ATL3: variants seen among roughly 807,000 people sequenced by gnomAD.
ATL3 encodes atlastin GTPase 3, also known as atlastin-3.
A neutral mutation model predicts 69.5 loss-of-function variants in ATL3; 49 were observed. That is an observed-to-expected ratio of 0.71 (90% CI 0.56 to 0.89). The LOEUF (loss-of-function observed/expected upper bound fraction) is 0.89. ATL3 is among the 40% of genes least tolerant of loss of function. The probability of loss-of-function intolerance (pLI) is 0.00; values close to 1 mark genes in which losing one functional copy is unlikely to be tolerated. For missense variants in ATL3, 606 were observed against 645.7 expected (o/e 0.94, Z 0.67); for synonymous variants, 214 against 224.1 (o/e 0.95, Z 0.40).
At chr11:63,656,555 G>A (rs908319751) in intron 3 of ATL3, among the ~76,000 whole-genome samples, 3 of 151,474 alleles carry the variant, frequency 2.0e-5, no homozygotes, top group African/African-American at 4.9e-5. Flanking sequence ...CCAATATGGC[G>A]AAACCCCGTC....
chr11:63,646,582 A>G lies in ATL3; in HGVS notation c.562-19T>C. 6.3e-7 allele frequency: 1 copy of G among 1,576,418 alleles called. No homozygotes were observed. The highest frequency in any genetic ancestry group is 2.2e-5 in the East Asian group (1 of 44,580). ...TGAAGAGCTTTAAAAAAGAAGCATT[A>G]TGGTTTGTAAAGCAAAATTACTTAA... On this transcript the variant is annotated intron_variant, in intron 5 of 12. Transcript: ENST00000398868.
chr11:63,669,944 G>A (rs1419293007), intron 1 of ATL3, among the ~76,000 whole-genome samples: 1 of 148,894 alleles, frequency 6.7e-6, no homozygotes, highest in African/African-American at 2.5e-5. Context: ...ACGAAACTCC[G>A]TCTCAAAAAA....
rs1001092463 is a variant in ATL3 at position 63,624,541 on chromosome 11, T to C, written c.*4778A>G. 1.3e-4 allele frequency: 20 copies of C among 152,232 alleles called. No individual in the cohort carries two copies. Among genetic ancestry groups the C allele is most frequent in the African/African-American group, 4.3e-4 (18 of 41,466 alleles). 9.4% of individuals were successfully genotyped at this position (152,232 alleles called of 1,614,324 possible). On this transcript the variant is annotated 3_prime_UTR_variant, in exon 13 of 13. Transcript: ENST00000398868. ...TGACAGGAATTAGGATCTTGTCTTC[T>C]TTCTTGTTCATTATTTTTATTTGTG...
At chr11:63,634,894 G>A (rs1262955205) in intron 10 of ATL3, among the ~76,000 whole-genome samples, 1 of 151,914 alleles carries the variant, frequency 6.6e-6, no homozygotes, top group Non-Finnish European at 1.5e-5. Flanking sequence ...AGGCATGGTG[G>A]CTCACCCCTA....
At chr11:63,665,246 G>A (rs1456822735) in intron 1 of ATL3, among the ~76,000 whole-genome samples, 1 of 151,796 alleles carries the variant, frequency 6.6e-6, no homozygotes, top group Non-Finnish European at 1.5e-5. Flanking sequence ...TCGGGAGGCT[G>A]AGGCAGGAGA....
At chr11:63,652,105 C>G (rs1940096573) in intron 4 of ATL3, 119 bp from the exon 5 acceptor site, 2 of 1,449,214 alleles carry the variant, frequency 1.4e-6, no homozygotes, top group Admixed American at 3.2e-5. Context: ...GAACATGAGG[C>G]CTGTTCAAAC....
chr11:63,643,187 A>C (rs774220828), intron 8 of ATL3, among the ~76,000 whole-genome samples, 170 bp downstream of exon 8: 2 of 152,252 alleles, frequency 1.3e-5, no homozygotes, highest in Non-Finnish European at 2.9e-5. Context: ...AAGGTAAACT[A>C]ATTCTGATGG....
upstream of ATL3, chr11:63,671,561 G>C (rs1940785448): frequency 2.1e-6 from 3 of 1,424,022 alleles, no homozygotes; most frequent in African/African-American, 1.5e-5. Context: ...GGCTAGGCGA[G>C]GCGGGGCGGG....
intron 1 of ATL3, among the ~76,000 whole-genome samples, chr11:63,661,090 T>C (rs1447246485): frequency 1.3e-5 from 2 of 151,226 alleles, no homozygotes; most frequent in Non-Finnish European, 2.9e-5. Flanking sequence ...ATGCGTGGTG[T>C]CGCACGCCTG....
Position 63,626,731 on chromosome 11 carries a change from A to C in ATL3, c.*2588T>G, listed in dbSNP as rs1456979473. ...GGCACAGTCTGAGCATCTGAACCAC[A>C]AGTAAAAGGTGAGAGAAGTAAAAGA... On this transcript the variant is annotated 3_prime_UTR_variant, in exon 13 of 13. Transcript: ENST00000398868. 1 of 152,234 alleles carries C rather than the reference A, an allele frequency of 6.6e-6. No individual in the cohort carries two copies. Among genetic ancestry groups the C allele is most frequent in the Admixed American group, 6.5e-5 (1 of 15,278 alleles). The allele number at this position is 152,234 out of a possible 1,614,324, so 9.4% of individuals were successfully genotyped here. A position where few individuals can be genotyped will look rare whatever the true frequency, so the allele number is the denominator to read the frequency against.
At position 63,628,197 on chromosome 11, in the gene ATL3, G is replaced by T. The variant is rs1418322825; in HGVS notation, c.*1122C>A. 1 of 152,072 alleles carries T rather than the reference G, an allele frequency of 6.6e-6. No individual in the cohort carries two copies. The highest frequency in any genetic ancestry group is 1.9e-4 in the East Asian group (1 of 5,188). The allele number at this position is 152,072 out of a possible 1,614,324, so 9.4% of individuals were successfully genotyped here. ...CACAAGTTCAAGTGACTTATCAGAG[G>T]TCACATGGTTCATTTAAACTTAGCT... On this transcript the variant is annotated 3_prime_UTR_variant, in exon 13 of 13. Coordinates refer to ENST00000398868, the MANE Select transcript of ATL3 (RefSeq NM_015459.5).
chr11:63,667,051 T>C (rs1018693445), intron 1 of ATL3, among the ~76,000 whole-genome samples: 36 of 152,346 alleles, frequency 2.4e-4, no homozygotes, highest in African/African-American at 7.5e-4. Flanking sequence ...GATGAAATCT[T>C]GTGCTATCCT....
intron 3 of ATL3, among the ~76,000 whole-genome samples, chr11:63,656,027 A>G (rs1393321834): frequency 6.6e-6 from 1 of 151,972 alleles, no homozygotes; most frequent in Non-Finnish European, 1.5e-5. Context: ...GATCGAGACC[A>G]TCCTGGCTAA....
At chr11:63,642,518 C>T (rs1202812101) in intron 8 of ATL3, among the ~76,000 whole-genome samples, 2 of 152,140 alleles carry the variant, frequency 1.3e-5, no homozygotes, top group Non-Finnish European at 2.9e-5. Flanking sequence ...CTCCATATAA[C>T]AGAAGAACCC....
intron 10 of ATL3, among the ~76,000 whole-genome samples, 188 bp from the exon 11 acceptor site, chr11:63,633,285 A>G (rs1474586085): frequency 6.6e-6 from 1 of 152,216 alleles, no homozygotes; most frequent in Non-Finnish European, 1.5e-5. Flanking sequence ...TACCAAAAAA[A>G]GGTAGAAGTT....
chr11:63,651,928 A>C lies in ATL3; in HGVS notation c.561+8T>G, dbSNP rs1428168171. 6.3e-7 allele frequency: 1 copy of C among 1,591,636 alleles called. No individual in the cohort carries two copies. The highest frequency in any genetic ancestry group is 2.3e-5 in the East Asian group (1 of 44,278). On this transcript the variant is annotated splice_region_variant and intron_variant, in intron 5 of 12. Coordinates refer to ENST00000398868, the MANE Select transcript of ATL3 (RefSeq NM_015459.5). ...TATGATGTTAAAATTGTTATGAGAA[A>C]TATATACCTGCAGCTGTTGAAGATC...
chr11:63,664,686 G>A (rs557625036), intron 1 of ATL3, among the ~76,000 whole-genome samples: 9 of 149,278 alleles, frequency 6.0e-5, no homozygotes, highest in East Asian at 2.1e-4. Flanking sequence ...GCAGTGGCGC[G>A]ATCTTGGCTC....
chr11:63,650,440 T>C (rs2134503812), intron 5 of ATL3: 1 of 152,354 alleles, frequency 6.6e-6, no homozygotes, highest in East Asian at 1.9e-4. Flanking sequence ...TTTGTATCTG[T>C]ATTTTGTAAT....
At chr11:63,636,721 A>C (rs1410283023) in intron 8 of ATL3, among the ~76,000 whole-genome samples, 1 of 144,198 alleles carries the variant, frequency 6.9e-6, no homozygotes, top group Non-Finnish European at 1.5e-5. Context: ...GCTGGGAAAC[A>C]AGAGTGAAAC....
Sources: allele counts gnomAD v4.1 joint callset (sites outside exome capture counted in the v4.1 genomes callset), GRCh38; gene constraint gnomAD v4.1.1; transcripts MANE v1.5; gene names NCBI Gene and HGNC (gene_info 2026-07-23, HGNC 2026-07-21).